The following JAK2 variants were observed in gnomAD, a reference collection of about 807,000 sequenced individuals.
JAK2 encodes Janus kinase 2.
Under a neutral mutation model 139.3 loss-of-function variants are expected in JAK2, and 86 were observed. The observed-to-expected ratio is 0.62, with a 90% CI of 0.52 to 0.74. The LOEUF is 0.74. JAK2 is among the 30% of genes least tolerant of loss of function. JAK2 has a pLI of 0.00. For missense variants in JAK2, 1,421 were observed against 1,360.3 expected (o/e 1.04, Z -0.70); for synonymous variants, 490 against 437.7 (o/e 1.12, Z -1.49).
Position 5,080,214 on chromosome 9 carries a change from C to A in JAK2, c.2132-15C>A. 6.3e-7 allele frequency: 1 copy of A among 1,592,012 alleles called. No homozygotes were observed. The highest frequency in any genetic ancestry group is 8.6e-7 in the Non-Finnish European group (1 of 1,163,512). ...GTGAATTATTTAACCCTACTCTGTTCGTATCATTTAAAAGTTCTTCAGGAG... is the reference window on the plus strand; with the variant it reads ...GTGAATTATTTAACCCTACTCTGTTAGTATCATTTAAAAGTTCTTCAGGAG... On this transcript the variant is annotated splice_polypyrimidine_tract_variant and intron_variant, in intron 16 of 24. Coordinates refer to ENST00000381652, the MANE Select transcript of JAK2 (RefSeq NM_004972.4).
In JAK2 at chr9:5,069,144, G is replaced by A. The variant is rs767808355; in HGVS notation, c.1449G>A (p.Met483Ile). 6.2e-7 allele frequency: 1 copy of A among 1,613,038 alleles called. No individual in the cohort carries two copies. The change falls in exon 11 of 25, where the codon ATG becomes ATA. Residue 483 changes from methionine (M) to isoleucine (I), a missense_variant. Physicochemically the swap from Met to Ile is conservative, Grantham distance 10 (BLOSUM62 1). Transcript: ENST00000381652. The stretch of plus-strand genomic sequence containing the variant: ...AAGATCTTTTGAATTGTTACCAGAT[G>A]GAAACTGTTCGCTCAGACAATATAA... ...SLKDLLNCYQ[M>I]ETVRSDNIIF... is the part of the protein sequence containing the mutation.
At chr9:5,042,619 G>C (rs891838643) in intron 4 of JAK2, among the ~76,000 whole-genome samples, 1 of 118,092 alleles carries the variant, frequency 8.5e-6, no homozygotes, top group Non-Finnish European at 1.7e-5. Flanking sequence ...AGCTGCCCCC[G>C]TTAGCGTCAT....
chr9:4,996,140 C>T (rs1346302623), intron 2 of JAK2, among the ~76,000 whole-genome samples: 1 of 152,136 alleles, frequency 6.6e-6, no homozygotes, highest in Non-Finnish European at 1.5e-5. Flanking sequence ...GACAGAATTA[C>T]AGGGAAGTCT....
At chr9:5,111,645 C>T (rs895456136) in intron 22 of JAK2, 5 of 387,824 alleles carry the variant, frequency 1.3e-5, no homozygotes, top group Non-Finnish European at 5.0e-6. Context: ...GGCTCATGCC[C>T]CTCGTCCCTC....
rs183306166 is a variant in JAK2 at position 5,082,627 on chromosome 9, C to T, written c.2571+766C>T. Among the ~76,000 whole-genome samples, 703 of 152,356 alleles carry T rather than the reference C, an allele frequency of 4.6e-3. 5 individuals carry two copies. The highest frequency in any genetic ancestry group is 0.015 in the African/African-American group (632 of 41,576). Reference sequence around the variant, plus strand: ...GGACGGTCAGGTCTTTCCCATCCCACGAGGCCATATTTCAGACTATCACAT... The same window carrying T: ...GGACGGTCAGGTCTTTCCCATCCCATGAGGCCATATTTCAGACTATCACAT... On this transcript the variant is annotated intron_variant, in intron 19 of 24. Transcript: ENST00000381652.
chr9:5,089,990 G>A (rs1025013869), intron 20 of JAK2, 127 bp downstream of exon 20: 7 of 509,674 alleles, frequency 1.4e-5, no homozygotes, highest in Non-Finnish European at 2.2e-5. Context: ...ATTCTATAAT[G>A]ACTAGAGATT....
chr9:5,038,517 C>G (rs1274554226), intron 4 of JAK2, among the ~76,000 whole-genome samples: 1 of 151,352 alleles, frequency 6.6e-6, no homozygotes, highest in East Asian at 1.9e-4. Context: ...CAACAAAATA[C>G]TTGCAAACCG....
chr9:5,088,245 A>G (rs1820286240), intron 19 of JAK2, among the ~76,000 whole-genome samples: 1 of 152,176 alleles, frequency 6.6e-6, no homozygotes, highest in South Asian at 2.1e-4. Context: ...TCCTGGGTCT[A>G]TCCACCTTAT....
At chr9:5,009,416 T>G (rs1038430718) in intron 2 of JAK2, among the ~76,000 whole-genome samples, 3 of 152,144 alleles carry the variant, frequency 2.0e-5, no homozygotes, top group African/African-American at 7.2e-5. Context: ...ATGCCCAGGC[T>G]GTCTTCATTA....
chr9:4,995,332 G>A (rs956334998), intron 2 of JAK2, among the ~76,000 whole-genome samples: 1 of 152,118 alleles, frequency 6.6e-6, no homozygotes, highest in Non-Finnish European at 1.5e-5. Flanking sequence ...TGATTCTGTA[G>A]ATAGTGTGAT....
At chr9:5,029,693 G>T in intron 3 of JAK2, 90 bp from the exon 4 acceptor site, 2 of 1,198,674 alleles carry the variant, frequency 1.7e-6, no homozygotes, top group Non-Finnish European at 2.3e-6. Context: ...TTTAAGAGTT[G>T]TTACTTTAGC....
At chr9:5,084,418 T>G (rs1457962699) in intron 19 of JAK2, among the ~76,000 whole-genome samples, 1 of 152,196 alleles carries the variant, frequency 6.6e-6, no homozygotes, top group Non-Finnish European at 1.5e-5. Context: ...TTTATAAAAA[T>G]TAGCTACTGT....
chr9:5,027,344 T>C (rs939458389), intron 3 of JAK2, among the ~76,000 whole-genome samples: 2 of 152,346 alleles, frequency 1.3e-5, no homozygotes, highest in South Asian at 2.1e-4. Flanking sequence ...CTGTTAAGTA[T>C]GCAATAATAT....
At chr9:5,112,458 G>A in intron 22 of JAK2, 1 of 538,666 alleles carries the variant, frequency 1.9e-6, no homozygotes, top group Non-Finnish European at 3.4e-6. Flanking sequence ...AGGAGCTGAA[G>A]GACCCCCGGG....
chr9:4,991,371 AC>A (rs1820232449), intron 2 of JAK2, among the ~76,000 whole-genome samples: 1 of 152,184 alleles, frequency 6.6e-6, no homozygotes, highest in South Asian at 2.1e-4. Context: ...ATTAGTTCTT[AC>A]TAAGTGGTTT....
At chr9:5,068,214 A>G (rs767439667) in intron 10 of JAK2, among the ~76,000 whole-genome samples, 21 of 152,196 alleles carry the variant, frequency 1.4e-4, no homozygotes, top group Non-Finnish European at 2.9e-4. Flanking sequence ...TGGCATAGGA[A>G]GAACCTGATT....
intron 22 of JAK2, among the ~76,000 whole-genome samples, chr9:5,101,350 G>A (rs929091627): frequency 6.6e-6 from 1 of 152,242 alleles, no homozygotes; most frequent in Non-Finnish European, 1.5e-5. Context: ...CCATTGCTGA[G>A]GCTTGAGTAG....
intron 22 of JAK2, chr9:5,114,527 G>A (rs1010515196): frequency 7.1e-5 from 33 of 466,318 alleles, no homozygotes; most frequent in South Asian, 1.2e-4. Context: ...TAGAAGAGCC[G>A]AGGAACCAGG....
intron 22 of JAK2, among the ~76,000 whole-genome samples, chr9:5,106,204 A>T (rs1821939179): frequency 6.6e-6 from 1 of 152,228 alleles, no homozygotes. Context: ...GAAATTTACA[A>T]GAAAAAAACA....
Sources: allele counts gnomAD v4.1 joint callset (sites outside exome capture counted in the v4.1 genomes callset), GRCh38; gene constraint gnomAD v4.1.1; transcripts MANE v1.5; gene names NCBI Gene and HGNC (gene_info 2026-07-23, HGNC 2026-07-21).